Variants in CNTNAP2 observed in about 807,000 individuals in gnomAD.
CNTNAP2 encodes the protein contactin-associated protein-like 2.
Under a neutral mutation model 155.2 loss-of-function variants are expected in CNTNAP2, and 98 were observed. The ratio of observed to expected loss-of-function variants is 0.63; its 90% CI spans 0.54 to 0.75. The LOEUF (loss-of-function observed/expected upper bound fraction) is 0.75, where lower values mean the gene tolerates loss of function less well. CNTNAP2 is among the 30% of genes least tolerant of loss of function. The pLI is 0.00. For missense variants in CNTNAP2, 1,727 were observed against 1,688.1 expected, an observed-to-expected ratio of 1.02 and a Z score of -0.40; for synonymous variants, 651 against 631.2, an observed-to-expected ratio of 1.03 and a Z score of -0.47.
chr7:147,807,980 C>G lies in CNTNAP2; in HGVS notation c.2099-95585C>G, dbSNP rs549702360. Among the ~76,000 whole-genome samples the G allele has an allele frequency of 2.6e-5, 4 of 150,950 alleles. No homozygotes were observed. In the East Asian group the frequency reaches 7.8e-4, roughly 29 times the overall value. ...CATTCTTTAGTGATATGTTCACTTT[C>G]TTTTTTAAAAAAAAAAAATAAAAAG... On this transcript the variant is annotated intron_variant, in intron 13 of 23. Coordinates refer to ENST00000361727, the MANE Select transcript of CNTNAP2 (RefSeq NM_014141.6).
intron 15 of CNTNAP2, among the ~76,000 whole-genome samples, chr7:148,073,975 C>G (rs1471030974): frequency 6.6e-6 from 1 of 152,064 alleles, no homozygotes; most frequent in Non-Finnish European, 1.5e-5. Context: ...GTCCTGGAAC[C>G]AATCCCCCAT....
chr7:147,786,011 G>C (rs535253412), intron 13 of CNTNAP2, among the ~76,000 whole-genome samples: 10 of 151,038 alleles, frequency 6.6e-5, no homozygotes, highest in African/African-American at 2.2e-4. Flanking sequence ...GAAAAGAAAG[G>C]CCAGGCACGG....
intron 1 of CNTNAP2, among the ~76,000 whole-genome samples, chr7:146,361,226 C>T (rs115986607): frequency 4.5e-4 from 68 of 152,170 alleles, no homozygotes; most frequent in African/African-American, 1.6e-3. Flanking sequence ...GCTTATTTTT[C>T]GACTAAATGC....
chr7:146,381,665 A>G (rs1202181643), intron 1 of CNTNAP2, among the ~76,000 whole-genome samples: 1 of 152,186 alleles, frequency 6.6e-6, no homozygotes, highest in Admixed American at 6.5e-5. Context: ...CTCTTTGTAA[A>G]AGTTCAAAGA....
chr7:147,523,510 G>A (rs1418236275), intron 11 of CNTNAP2, among the ~76,000 whole-genome samples: 2 of 152,188 alleles, frequency 1.3e-5, no homozygotes, highest in African/African-American at 4.8e-5. Context: ...CACCGTAGAA[G>A]CTTTCCTACA....
chr7:146,719,009 T>C (rs1255578413), intron 1 of CNTNAP2, among the ~76,000 whole-genome samples: 2 of 152,204 alleles, frequency 1.3e-5, no homozygotes, highest in East Asian at 3.8e-4. Context: ...TTCAAATTCA[T>C]AGGATGGTTT....
At chr7:147,037,455 CTTTT>C (rs941052179) in intron 3 of CNTNAP2, among the ~76,000 whole-genome samples, 1 of 134,668 alleles carries the variant, frequency 7.4e-6, no homozygotes, top group African/African-American at 2.7e-5. Context: ...TTTTTTTTCC[CTTTT>C]TTTTTTTTTT....
intron 1 of CNTNAP2, among the ~76,000 whole-genome samples, chr7:146,714,812 C>A (rs1264340892): frequency 6.6e-6 from 1 of 152,098 alleles, no homozygotes; most frequent in Non-Finnish European, 1.5e-5. Context: ...AAATAAGTGA[C>A]AAGAGATAGT....
At chr7:148,338,470 C>T (rs962880666) in intron 21 of CNTNAP2, among the ~76,000 whole-genome samples, 7 of 151,784 alleles carry the variant, frequency 4.6e-5, no homozygotes, top group African/African-American at 9.7e-5. Context: ...ACAAACTCTT[C>T]CCTCCCCCCA....
At chr7:148,274,674 G>T (rs936852352) in intron 21 of CNTNAP2, among the ~76,000 whole-genome samples, 6 of 152,122 alleles carry the variant, frequency 3.9e-5, no homozygotes, top group Non-Finnish European at 5.9e-5. Context: ...GCTTCCTGAG[G>T]CCTCCCCAGA....
intron 12 of CNTNAP2, among the ~76,000 whole-genome samples, chr7:147,606,248 A>G (rs1442866528): frequency 1.3e-5 from 2 of 152,242 alleles, no homozygotes; most frequent in Non-Finnish European, 1.5e-5. Flanking sequence ...ATCATCACTT[A>G]CCATAAATGA....
chr7:147,077,376 T>C (rs1303040270), intron 4 of CNTNAP2, among the ~76,000 whole-genome samples: 2 of 152,198 alleles, frequency 1.3e-5, no homozygotes, highest in East Asian at 3.9e-4. Flanking sequence ...TTTTTTCAAT[T>C]GCACACTTTA....
intron 1 of CNTNAP2, among the ~76,000 whole-genome samples, chr7:146,319,287 T>A (rs1055628982): frequency 1.3e-5 from 2 of 152,226 alleles, no homozygotes; most frequent in African/African-American, 4.8e-5. Context: ...GTCATGTATA[T>A]AGATCCACAG....
At chr7:146,860,751 A>G (rs1795083117) in intron 3 of CNTNAP2, among the ~76,000 whole-genome samples, 1 of 151,834 alleles carries the variant, frequency 6.6e-6, no homozygotes, top group Non-Finnish European at 1.5e-5. Flanking sequence ...TTGGAACAGA[A>G]AAAAAAAACG....
chr7:146,752,133 A>G (rs1202400528), intron 1 of CNTNAP2, among the ~76,000 whole-genome samples: 1 of 152,178 alleles, frequency 6.6e-6, no homozygotes, highest in Non-Finnish European at 1.5e-5. Context: ...TCCTTTGGGT[A>G]CGTACCCAGT....
At chr7:146,810,032 A>G (rs1028520334) in intron 2 of CNTNAP2, among the ~76,000 whole-genome samples, 2 of 152,206 alleles carry the variant, frequency 1.3e-5, no homozygotes, top group African/African-American at 4.8e-5. Context: ...TGTATATGGT[A>G]TAAGACGAGG....
intron 10 of CNTNAP2, among the ~76,000 whole-genome samples, chr7:147,413,276 G>A (rs903003836): frequency 9.9e-5 from 15 of 152,160 alleles, no homozygotes; most frequent in Admixed American, 3.9e-4. Context: ...ACTAGATTTT[G>A]GATGTCACGA....
chr7:148,380,276 CAT>C (rs1799023826), intron 21 of CNTNAP2, among the ~76,000 whole-genome samples: 4 of 152,208 alleles, frequency 2.6e-5, no homozygotes, highest in Admixed American at 6.5e-5. Flanking sequence ...TATAGAGTAA[CAT>C]ACTTTACTTG....
intron 9 of CNTNAP2, among the ~76,000 whole-genome samples, chr7:147,336,073 A>G (rs892926532): frequency 6.6e-6 from 1 of 152,174 alleles, no homozygotes; most frequent in Non-Finnish European, 1.5e-5. Context: ...CAAAGAGAAT[A>G]TAGAAGTGTT....
Sources: allele counts gnomAD v4.1 joint callset (sites outside exome capture counted in the v4.1 genomes callset), GRCh38; gene constraint gnomAD v4.1.1; transcripts MANE v1.5; gene names NCBI Gene and HGNC (gene_info 2026-07-23, HGNC 2026-07-21).